CCSER1: variants seen among roughly 807,000 people sequenced by gnomAD.
CCSER1 encodes serine-rich coiled-coil domain-containing protein 1.
Under a neutral mutation model 82.0 loss-of-function variants are expected in CCSER1, and 41 were observed. The observed-to-expected ratio is 0.50, with a 90% confidence interval of 0.39 to 0.65. The LOEUF is 0.65. Among genes scored for constraint, CCSER1 ranks in the 30% least tolerant of loss-of-function variants. CCSER1 has a pLI of 0.00. For missense variants in CCSER1, 1,119 were observed against 1,064.2 expected (o/e 1.05, Z -0.72); for synonymous variants, 414 against 383.9 (o/e 1.08, Z -0.92).
At chr4:90,409,267 G>T (rs184891073) in intron 4 of CCSER1, among the ~76,000 whole-genome samples, 1,982 of 152,242 alleles carry the variant, frequency 0.013, 17 homozygotes, top group Middle Eastern at 0.024. Context: ...TCAAATTCAG[G>T]AAATACAGAG....
intron 3 of CCSER1, among the ~76,000 whole-genome samples, chr4:90,349,514 T>C (rs910870178): frequency 2.0e-5 from 3 of 152,128 alleles, no homozygotes; most frequent in Admixed American, 2.0e-4. Flanking sequence ...CAAATTCATT[T>C]CTCAGAATGG....
intron 5 of CCSER1, among the ~76,000 whole-genome samples, chr4:90,479,068 A>G (rs1765513644): frequency 6.6e-6 from 1 of 152,026 alleles, no homozygotes; most frequent in Admixed American, 6.6e-5. Flanking sequence ...TTTAATTACT[A>G]AATTTAGAAT....
At chr4:90,465,741 A>T (rs960061618) in intron 4 of CCSER1, among the ~76,000 whole-genome samples, 2 of 152,180 alleles carry the variant, frequency 1.3e-5, no homozygotes, top group Admixed American at 1.3e-4. Flanking sequence ...ACTGATCATG[A>T]TGTACCTCTT....
intron 7 of CCSER1, among the ~76,000 whole-genome samples, chr4:90,800,057 TC>T (rs1756595762): frequency 6.6e-6 from 1 of 152,182 alleles, no homozygotes; most frequent in African/African-American, 2.4e-5. Flanking sequence ...CTTGGTGCCT[TC>T]CCTCTGAAGG....
chr4:90,689,714 A>G (rs970346287), intron 6 of CCSER1, among the ~76,000 whole-genome samples: 7 of 152,218 alleles, frequency 4.6e-5, no homozygotes, highest in Admixed American at 2.0e-4. Context: ...GGGAGTGGAG[A>G]AAACAGGAAA....
At chr4:91,518,495 T>G (rs1360666889) in intron 10 of CCSER1, among the ~76,000 whole-genome samples, 1 of 152,174 alleles carries the variant, frequency 6.6e-6, no homozygotes, top group Non-Finnish European at 1.5e-5. Context: ...AAGGTGTTTT[T>G]GGTTGCCCTG....
chr4:91,514,280 G>C (rs988104040), intron 10 of CCSER1, among the ~76,000 whole-genome samples: 1 of 151,966 alleles, frequency 6.6e-6, no homozygotes, highest in African/African-American at 2.4e-5. Flanking sequence ...AAATTTTCTG[G>C]GTATTGATTT....
At chr4:91,348,909 AT>A (rs1748258791) in intron 10 of CCSER1, among the ~76,000 whole-genome samples, 1 of 129,208 alleles carries the variant, frequency 7.7e-6, no homozygotes, top group Non-Finnish European at 1.8e-5. Context: ...TAATTAATTA[AT>A]TTATTTATTT....
chr4:90,712,345 C>T (rs1456556364), intron 6 of CCSER1, among the ~76,000 whole-genome samples: 3 of 151,792 alleles, frequency 2.0e-5, no homozygotes, highest in Non-Finnish European at 4.4e-5. Flanking sequence ...ATGTTGTATC[C>T]TTGTTCTCAT....
intron 3 of CCSER1, among the ~76,000 whole-genome samples, chr4:90,324,055 G>A (rs1438043385): frequency 1.3e-5 from 2 of 152,066 alleles, no homozygotes; most frequent in Non-Finnish European, 2.9e-5. Context: ...ACATTTTCTT[G>A]ATCCAGTCTA....
chr4:91,458,139 C>T (rs1756297743), intron 10 of CCSER1, among the ~76,000 whole-genome samples: 1 of 152,000 alleles, frequency 6.6e-6, no homozygotes, highest in South Asian at 2.1e-4. Flanking sequence ...AGTTTTGAGT[C>T]TAAGTCTTTA....
intron 9 of CCSER1, among the ~76,000 whole-genome samples, chr4:91,004,917 G>T (rs1478755608): frequency 6.6e-6 from 1 of 152,126 alleles, no homozygotes; most frequent in East Asian, 1.9e-4. Context: ...CTTATTTCAG[G>T]TCTTGCCTCT....
At chr4:90,542,511 C>G (rs1776241603) in intron 5 of CCSER1, among the ~76,000 whole-genome samples, 1 of 151,982 alleles carries the variant, frequency 6.6e-6, no homozygotes, top group African/African-American at 2.4e-5. Flanking sequence ...TGTTTTGATG[C>G]AAATAAGGTT....
chr4:90,218,500 T>A (rs906281314), intron 1 of CCSER1, among the ~76,000 whole-genome samples: 9 of 152,182 alleles, frequency 5.9e-5, no homozygotes, highest in African/African-American at 2.2e-4. Flanking sequence ...GCTGCTAATT[T>A]AAAAAAGTTG....
chr4:90,732,468 G>A (rs565043608), intron 7 of CCSER1, among the ~76,000 whole-genome samples: 1 of 152,236 alleles, frequency 6.6e-6, no homozygotes, highest in East Asian at 1.9e-4. Flanking sequence ...TTTACTGGGG[G>A]CTTATCATGT....
intron 5 of CCSER1, among the ~76,000 whole-genome samples, chr4:90,621,189 G>C (rs1336257158): frequency 6.6e-6 from 1 of 152,038 alleles, no homozygotes; most frequent in East Asian, 1.9e-4. Flanking sequence ...AATATATCAA[G>C]ACAAAACAAC....
Position 91,417,555 on chromosome 4 carries a change from G to C in CCSER1, c.2218-181017G>C, listed in dbSNP as rs141818758. Among the ~76,000 whole-genome samples, 277 of 152,168 alleles carry C rather than the reference G, an allele frequency of 1.8e-3. 6 individuals are homozygous for C. The East Asian group carries it at 0.033, about 18-fold the overall frequency. On this transcript the variant is annotated intron_variant, in intron 10 of 10. Transcript: ENST00000509176. The stretch of plus-strand genomic sequence containing the variant: ...TGTTCTTTGCAGGGACATGGATGGA[G>C]TTGGAAGCCATTATCCTCATGAAAC...
At chr4:90,855,996 A>G (rs572746186) in intron 8 of CCSER1, among the ~76,000 whole-genome samples, 8 of 152,304 alleles carry the variant, frequency 5.3e-5, no homozygotes, top group Non-Finnish European at 1.2e-4. Flanking sequence ...GCAACAGCCA[A>G]TGCAGAGGAA....
rs563144386 is a variant in CCSER1 at position 91,602,324 on chromosome 4, T to C, written c.*3267T>C. ...AAATTCCACATTTTGTTTTGTTTTC[T>C]TTGTCTTGTTTAATAGAGATAATAA... On this transcript the variant is annotated 3_prime_UTR_variant, in exon 11 of 11. Coordinates refer to ENST00000509176, the MANE Select transcript of CCSER1 (RefSeq NM_001145065.2). Among the ~76,000 whole-genome samples the C allele has an allele frequency of 4.6e-5, 7 of 152,120 alleles. No individual in the cohort carries two copies. Among genetic ancestry groups the C allele is most frequent in the Admixed American group, 4.6e-4 (7 of 15,244 alleles).
Sources: gnomAD v4.1 joint callset for allele counts (sites outside exome capture counted in the v4.1 genomes callset) on GRCh38, gnomAD v4.1.1 for gene constraint, MANE v1.5 for transcripts, NCBI Gene and HGNC (gene_info 2026-07-23, HGNC 2026-07-21) for gene names.